Variants in MBNL1 observed in about 807,000 individuals in gnomAD.
The protein encoded by MBNL1 is muscleblind-like protein 1.
Under a neutral mutation model 42.2 loss-of-function variants are expected in MBNL1, and 8 were observed. That is an observed-to-expected ratio of 0.19 (90% CI 0.11 to 0.34). The LOEUF is 0.34. Ranked by LOEUF, MBNL1 falls within the 10% of genes least tolerant of loss-of-function variation. MBNL1 has a pLI of 1.00. For missense variants in MBNL1, 309 were observed against 495.3 expected (o/e 0.62, Z 3.57); for synonymous variants, 169 against 173.9 (o/e 0.97, Z 0.22).
chr3:152,302,675 T>C (rs1287143516), intron 2 of MBNL1, among the ~76,000 whole-genome samples: 1 of 152,162 alleles, frequency 6.6e-6, no homozygotes, highest in Non-Finnish European at 1.5e-5. Context: ...TTTGGGAGCG[T>C]TATGAGGTTT....
chr3:152,459,711 A>G (rs868495961), intron 9 of MBNL1, among the ~76,000 whole-genome samples: 8 of 151,872 alleles, frequency 5.3e-5, no homozygotes, highest in African/African-American at 1.5e-4. Flanking sequence ...TGTTGCAGCT[A>G]CTCTCCTCTG....
intron 2 of MBNL1, among the ~76,000 whole-genome samples, chr3:152,251,548 C>A (rs2034532246): frequency 6.6e-6 from 1 of 151,980 alleles, no homozygotes. Context: ...CGTATCATTT[C>A]TTTGTCTTTT....
intron 2 of MBNL1, among the ~76,000 whole-genome samples, chr3:152,374,653 A>G (rs1486067234): frequency 6.6e-6 from 1 of 152,236 alleles, no homozygotes; most frequent in African/African-American, 2.4e-5. Context: ...CACTTATTAA[A>G]TAATCTAGAT....
intron 2 of MBNL1, among the ~76,000 whole-genome samples, chr3:152,364,874 T>C (rs968812137): frequency 2.0e-5 from 3 of 152,000 alleles, no homozygotes; most frequent in African/African-American, 4.8e-5. Context: ...TTTTTTTTTT[T>C]CATAACCATT....
intron 2 of MBNL1, among the ~76,000 whole-genome samples, chr3:152,329,836 A>C (rs915421692): frequency 6.6e-6 from 1 of 150,754 alleles, no homozygotes; most frequent in Non-Finnish European, 1.5e-5. Flanking sequence ...ATCATGGGAT[A>C]TATGTGCTAT....
intron 1 of MBNL1, among the ~76,000 whole-genome samples, chr3:152,295,383 T>C (rs2058129321): frequency 6.6e-6 from 1 of 152,218 alleles, no homozygotes; most frequent in African/African-American, 2.4e-5. Flanking sequence ...ATGCAGATAT[T>C]TCTTGGGGTA....
intron 3 of MBNL1, among the ~76,000 whole-genome samples, chr3:152,416,611 G>A (rs941644480): frequency 1.3e-5 from 2 of 152,096 alleles, no homozygotes; most frequent in African/African-American, 4.8e-5. Flanking sequence ...AACATTTAAA[G>A]CATGCTTACC....
At chr3:152,260,510 T>C (rs372472688) in intron 2 of MBNL1, among the ~76,000 whole-genome samples, 3 of 152,216 alleles carry the variant, frequency 2.0e-5, no homozygotes, top group Admixed American at 1.3e-4. Flanking sequence ...ATGTACAGAA[T>C]AGCTTTTGTT....
intron 1 of MBNL1, among the ~76,000 whole-genome samples, chr3:152,276,403 A>G (rs1001108853): frequency 5.3e-5 from 8 of 152,236 alleles, no homozygotes; most frequent in Non-Finnish European, 7.3e-5. Context: ...GTGCAAAGGT[A>G]CTTAATTAAT....
At chr3:152,383,499 G>A (rs1475119195) in intron 2 of MBNL1, among the ~76,000 whole-genome samples, 1 of 152,002 alleles carries the variant, frequency 6.6e-6, no homozygotes, top group Non-Finnish European at 1.5e-5. Flanking sequence ...GAGAATTAGA[G>A]AATTACTGTT....
chr3:152,252,772 T>C (rs985750179), intron 2 of MBNL1, among the ~76,000 whole-genome samples: 14 of 152,118 alleles, frequency 9.2e-5, no homozygotes, highest in African/African-American at 3.4e-4. Flanking sequence ...AAAATAATTA[T>C]GTAAAGCAAA....
intron 2 of MBNL1, among the ~76,000 whole-genome samples, chr3:152,343,403 C>T (rs149189495): frequency 6.6e-6 from 1 of 152,206 alleles, no homozygotes; most frequent in East Asian, 1.9e-4. Context: ...TCTTGGAGCT[C>T]AAGTGTCTGG....
At chr3:152,332,691 T>TG (rs1401862989) in intron 2 of MBNL1, among the ~76,000 whole-genome samples, 13 of 129,312 alleles carry the variant, frequency 1.0e-4, no homozygotes, top group East Asian at 2.4e-4. Context: ...TTTTCATGGT[T>TG]TTGTGTGTGT....
chr3:152,451,245 T>C (rs930646632), intron 6 of MBNL1, among the ~76,000 whole-genome samples: 18 of 152,164 alleles, frequency 1.2e-4, no homozygotes, highest in Admixed American at 6.5e-5. Context: ...TATAGAGTAG[T>C]TTGCTGGCAA....
chr3:152,412,406 C>T (rs2098602113), intron 2 of MBNL1, among the ~76,000 whole-genome samples: 1 of 152,092 alleles, frequency 6.6e-6, no homozygotes. Flanking sequence ...AACCTGTGGT[C>T]ACAGCTCTCT....
intron 8 of MBNL1, chr3:152,458,193 G>A: frequency 6.2e-7 from 1 of 1,613,578 alleles, no homozygotes; most frequent in Non-Finnish European, 8.5e-7. Context: ...CAGGAAAAAT[G>A]GTATGAGAAG....
intron 2 of MBNL1, among the ~76,000 whole-genome samples, chr3:152,259,689 A>G (rs961618520): frequency 2.0e-5 from 3 of 152,228 alleles, no homozygotes; most frequent in African/African-American, 7.2e-5. Context: ...CCCTGCCTTT[A>G]GAGGCTATGT....
chr3:152,304,158 T>C (rs2061862565), intron 2 of MBNL1, among the ~76,000 whole-genome samples: 1 of 151,870 alleles, frequency 6.6e-6, no homozygotes, highest in African/African-American at 2.4e-5. Context: ...TATATGTACA[T>C]ACAGGTAAAT....
chr3:152,260,894 A>T (rs1391602990), intron 2 of MBNL1, among the ~76,000 whole-genome samples: 1 of 152,216 alleles, frequency 6.6e-6, no homozygotes, highest in African/African-American at 2.4e-5. Context: ...ATCCACAGCT[A>T]GTCCTAACTC....
Sources: gnomAD v4.1 joint callset for allele counts (sites outside exome capture counted in the v4.1 genomes callset) on GRCh38, gnomAD v4.1.1 for gene constraint, MANE v1.5 for transcripts, NCBI Gene and HGNC (gene_info 2026-07-23, HGNC 2026-07-21) for gene names.